PTGIS: variants seen among roughly 807,000 people sequenced by gnomAD.
PTGIS encodes prostaglandin I2 synthase.
In PTGIS, 45 loss-of-function variants were observed where a neutral mutation model predicts 50.3. That is an observed-to-expected ratio of 0.90 (90% CI 0.70 to 1.15). PTGIS has a LOEUF of 1.15. PTGIS is among the 50% of genes most tolerant of loss of function. The pLI, the probability that PTGIS is intolerant of heterozygous loss-of-function variation, is 0.00. For synonymous variants in PTGIS, 260 were observed against 267.7 expected, an observed-to-expected ratio of 0.97 and a Z score of 0.28; for missense variants, 668 against 661.3, an observed-to-expected ratio of 1.01 and a Z score of -0.11.
intron 6 of PTGIS, among the ~76,000 whole-genome samples, chr20:49,521,028 T>G (rs1384469797): frequency 6.6e-6 from 1 of 152,220 alleles, no homozygotes; most frequent in Non-Finnish European, 1.5e-5. Context: ...TTTTTGTCTG[T>G]TTTGCTCACC....
intron 5 of PTGIS, among the ~76,000 whole-genome samples, chr20:49,534,095 T>G (rs1982007605): frequency 6.6e-6 from 1 of 152,238 alleles, no homozygotes; most frequent in African/African-American, 2.4e-5. Context: ...CTGTTTTAGA[T>G]GCATAGATGG....
At chr20:49,509,881 C>CTTTTTTTTTTTTTTTTTTT (rs11337451) in intron 9 of PTGIS, among the ~76,000 whole-genome samples, 1 of 93,378 alleles carries the variant, frequency 1.1e-5, no homozygotes, top group Non-Finnish European at 2.0e-5. Context: ...TTCTTTCTTT[C>CTTTTTTTTTTTTTTTTTTT]TTTTTTTTTT....
At chr20:49,531,495 T>G (rs897104728) in intron 5 of PTGIS, among the ~76,000 whole-genome samples, 2 of 152,164 alleles carry the variant, frequency 1.3e-5, no homozygotes, top group Non-Finnish European at 2.9e-5. Flanking sequence ...AATGCAACTA[T>G]TTACTTCCAT....
chr20:49,539,964 C>T (rs999639308), intron 4 of PTGIS, among the ~76,000 whole-genome samples: 1 of 152,186 alleles, frequency 6.6e-6, no homozygotes, highest in Admixed American at 6.5e-5. Flanking sequence ...GAATAATGCG[C>T]CAGCTGGTGC....
At chr20:49,523,476 TA>T (rs139277584) in intron 6 of PTGIS, among the ~76,000 whole-genome samples, 1,782 of 150,176 alleles carry the variant, frequency 0.012, 34 homozygotes, top group African/African-American at 0.037. Flanking sequence ...TTTTCCAAAT[TA>T]AAAAAAAACA....
At chr20:49,515,595 G>T (rs1489185445) in intron 6 of PTGIS, among the ~76,000 whole-genome samples, 1 of 152,150 alleles carries the variant, frequency 6.6e-6, no homozygotes, top group Admixed American at 6.5e-5. Flanking sequence ...TTACACATGG[G>T]CAAAAGGACA....
intron 5 of PTGIS, among the ~76,000 whole-genome samples, chr20:49,533,625 C>T (rs1460345112): frequency 1.3e-5 from 2 of 152,138 alleles, no homozygotes; most frequent in Non-Finnish European, 2.9e-5. Flanking sequence ...CACCCCTTCT[C>T]GGCCTTCCCA....
At chr20:49,526,550 G>A (rs1981798001) in intron 5 of PTGIS, among the ~76,000 whole-genome samples, 1 of 152,194 alleles carries the variant, frequency 6.6e-6, no homozygotes, top group Non-Finnish European at 1.5e-5. Flanking sequence ...CTGACAGAAA[G>A]TGAGAAAATA....
intron 1 of PTGIS, among the ~76,000 whole-genome samples, chr20:49,566,191 T>C (rs566873661): frequency 2.8e-4 from 42 of 151,738 alleles, no homozygotes; most frequent in African/African-American, 9.9e-4. Flanking sequence ...GATCGTGCCA[T>C]TGCACTCCAG....
At chr20:49,561,031 G>A (rs1982761466) in intron 1 of PTGIS, among the ~76,000 whole-genome samples, 1 of 152,188 alleles carries the variant, frequency 6.6e-6, no homozygotes, top group African/African-American at 2.4e-5. Context: ...TGTGGTGGAA[G>A]CAATGGCCAT....
intron 1 of PTGIS, among the ~76,000 whole-genome samples, chr20:49,564,199 T>C (rs973903588): frequency 1.3e-5 from 2 of 152,242 alleles, no homozygotes; most frequent in African/African-American, 2.4e-5. Flanking sequence ...AATAGAATTG[T>C]AGTTGTCAGT....
At chr20:49,531,403 G>T (rs937485846) in intron 5 of PTGIS, among the ~76,000 whole-genome samples, 1 of 152,096 alleles carries the variant, frequency 6.6e-6, no homozygotes, top group East Asian at 1.9e-4. Context: ...AAATGTGGTC[G>T]TGGGAAGAAA....
intron 5 of PTGIS, among the ~76,000 whole-genome samples, chr20:49,531,998 C>T (rs956484569): frequency 1.3e-5 from 2 of 152,114 alleles, no homozygotes; most frequent in African/African-American, 4.8e-5. Context: ...CCGCAAGCCC[C>T]AGGGAGTTAT....
At chr20:49,567,908 G>A in intron 1 of PTGIS, 135 bp downstream of exon 1, 1 of 804,274 alleles carries the variant, frequency 1.2e-6, no homozygotes, top group Non-Finnish European at 1.7e-6. Flanking sequence ...TCCCACCTCC[G>A]AGGGTCTCGC....
At chr20:49,510,935 T>A (rs1981299727) in intron 9 of PTGIS, 93 bp downstream of exon 9, 1 of 1,257,398 alleles carries the variant, frequency 8.0e-7, no homozygotes, top group Non-Finnish European at 1.2e-6. Context: ...GCCAAACCAT[T>A]CTCCTGGCTG....
chr20:49,534,099 T>G (rs1469215893), intron 5 of PTGIS, among the ~76,000 whole-genome samples: 4 of 152,212 alleles, frequency 2.6e-5, no homozygotes, highest in Non-Finnish European at 5.9e-5. Flanking sequence ...TTTAGATGCA[T>G]AGATGGCCTT....
intron 9 of PTGIS, among the ~76,000 whole-genome samples, chr20:49,510,375 C>T (rs1450952560): frequency 1.3e-5 from 2 of 152,102 alleles, no homozygotes; most frequent in Admixed American, 6.6e-5. Flanking sequence ...TTTCAAATGC[C>T]TACAATGAGC....
intron 6 of PTGIS, among the ~76,000 whole-genome samples, chr20:49,516,926 T>C (rs1981495240): frequency 1.3e-5 from 2 of 151,966 alleles, no homozygotes; most frequent in Non-Finnish European, 2.9e-5. Context: ...CAGGTAGAGG[T>C]GGGTTCAAAT....
chr20:49,526,740 A>G (rs976216980), intron 5 of PTGIS, among the ~76,000 whole-genome samples: 31 of 152,358 alleles, frequency 2.0e-4, no homozygotes, highest in Non-Finnish European at 1.0e-4. Flanking sequence ...GCTCAACACC[A>G]TTAGTCATTA....
Sources: allele counts gnomAD v4.1 joint callset (sites outside exome capture counted in the v4.1 genomes callset), GRCh38; gene constraint gnomAD v4.1.1; transcripts MANE v1.5; gene names NCBI Gene and HGNC (gene_info 2026-07-23, HGNC 2026-07-21).